The following BFSP2 variants were observed in gnomAD, a reference collection of about 807,000 sequenced individuals.
BFSP2 encodes the protein beaded filament structural protein 2.
Under a neutral mutation model 44.9 loss-of-function variants are expected in BFSP2, and 38 were observed. That is an observed-to-expected ratio of 0.85 (90% confidence interval 0.65 to 1.11). The LOEUF is 1.11. Among genes scored for constraint, BFSP2 ranks in the 50% least tolerant of loss-of-function variants. The pLI is 0.00. For synonymous variants in BFSP2, 197 were observed against 209.9 expected (o/e 0.94, Z 0.53); for missense variants, 525 against 533.0 (o/e 0.99, Z 0.15).
intron 1 of BFSP2, among the ~76,000 whole-genome samples, chr3:133,419,612 A>C (rs937530528): frequency 6.6e-5 from 10 of 152,180 alleles, no homozygotes; most frequent in Admixed American, 2.0e-4. Flanking sequence ...ATTTGGAAGA[A>C]ACTGTCAGAA....
At chr3:133,456,644 G>C (rs2074015597) in intron 4 of BFSP2, among the ~76,000 whole-genome samples, 1 of 152,146 alleles carries the variant, frequency 6.6e-6, no homozygotes, top group Non-Finnish European at 1.5e-5. Flanking sequence ...GAAACTACTT[G>C]GGAAGCTGAC....
chr3:133,405,157 C>G (rs1301054092), intron 1 of BFSP2, among the ~76,000 whole-genome samples: 2 of 152,162 alleles, frequency 1.3e-5, no homozygotes, highest in African/African-American at 4.8e-5. Flanking sequence ...ACAAAAGGAA[C>G]AGCTGAAGCC....
In BFSP2 at chr3:133,450,562, G is replaced by A. The variant is rs2073954256; in HGVS notation, c.891+98G>A. The A allele has an allele frequency of 2.3e-5, 33 of 1,416,298 alleles. No homozygotes were observed. In the South Asian group the frequency reaches 3.5e-4, roughly 15 times the overall value. The allele number at this position is 1,416,298 out of a possible 1,614,324, so 87.7% of individuals were successfully genotyped here. A position where few individuals can be genotyped will look rare whatever the true frequency, so the allele number is the denominator to read the frequency against. Reference sequence around the variant, plus strand: ...ATGTGCAGACGAAGAAATAACAACGGTTTAGTAACAAGTTCAACCTCATTA... The same window carrying A: ...ATGTGCAGACGAAGAAATAACAACGATTTAGTAACAAGTTCAACCTCATTA... On this transcript the variant is annotated intron_variant, in intron 4 of 6. Transcript: ENST00000302334.
Position 133,472,380 on chromosome 3 carries a change from G to A in BFSP2, c.1059G>A (p.Lys353=). ...RGLENTLHDA[K]HWHDMELQNL... The stretch of plus-strand genomic sequence containing the variant: ...TGGAGAACACCTTGCACGATGCCAA[G>A]CACTGGCATGACATGGAGCTCCAGA... The change falls in exon 6 of 7, where the codon AAG becomes AAA. Residue 353 remains lysine, a synonymous_variant. Coordinates refer to ENST00000302334, the MANE Select transcript of BFSP2 (RefSeq NM_003571.4). 6.2e-7 allele frequency: 1 copy of A among 1,613,844 alleles called. No homozygotes were observed. Among genetic ancestry groups the A allele is most frequent in the Non-Finnish European group, 8.5e-7 (1 of 1,180,006 alleles).
chr3:133,423,784 C>T (rs2107896284), intron 1 of BFSP2, among the ~76,000 whole-genome samples: 1 of 152,200 alleles, frequency 6.6e-6, no homozygotes, highest in South Asian at 2.1e-4. Context: ...AACTGTCTTA[C>T]ATACCTAGTC....
intron 1 of BFSP2, among the ~76,000 whole-genome samples, chr3:133,435,298 T>C (rs1029930924): frequency 6.6e-6 from 1 of 152,194 alleles, no homozygotes; most frequent in African/African-American, 2.4e-5. Flanking sequence ...TAAGCAGATG[T>C]TGTCATTTTT....
intron 1 of BFSP2, among the ~76,000 whole-genome samples, chr3:133,416,960 T>C (rs2073540196): frequency 9.5e-6 from 1 of 104,940 alleles, no homozygotes; most frequent in Admixed American, 1.1e-4. Context: ...CTCTCCCCTC[T>C]ACTCACCCTC....
At chr3:133,401,760 A>G (rs2073364293) in intron 1 of BFSP2, among the ~76,000 whole-genome samples, 1 of 152,170 alleles carries the variant, frequency 6.6e-6, no homozygotes. Context: ...CCTGGAGTCC[A>G]GTATGCAGCC....
At chr3:133,438,497 T>C (rs111467701) in intron 1 of BFSP2, among the ~76,000 whole-genome samples, 17,896 of 152,128 alleles carry the variant, frequency 0.12, 1,200 homozygotes, top group Middle Eastern at 0.23. Context: ...ATCACACCAC[T>C]GCACTCCAGC....
chr3:133,473,805 C>T (rs2074189457), intron 6 of BFSP2, among the ~76,000 whole-genome samples: 1 of 152,044 alleles, frequency 6.6e-6, no homozygotes, highest in Non-Finnish European at 1.5e-5. Flanking sequence ...GATCCCAAGG[C>T]AGAAGAATTT....
intron 4 of BFSP2, among the ~76,000 whole-genome samples, chr3:133,452,897 T>C (rs1375085624): frequency 6.6e-6 from 1 of 151,770 alleles, no homozygotes; most frequent in Non-Finnish European, 1.5e-5. Context: ...TCCTTCATAG[T>C]ATGAAAAAGA....
intron 1 of BFSP2, among the ~76,000 whole-genome samples, chr3:133,413,031 G>T (rs1169847275): frequency 6.6e-6 from 1 of 152,194 alleles, no homozygotes; most frequent in South Asian, 2.1e-4. Context: ...AAAGTGGAGG[G>T]CAGACCCTCT....
chr3:133,425,360 C>G (rs569923962), intron 1 of BFSP2, among the ~76,000 whole-genome samples: 81 of 152,220 alleles, frequency 5.3e-4, no homozygotes, highest in Non-Finnish European at 8.2e-4. Flanking sequence ...GGATGTCAAC[C>G]GTAGGTCAAA....
chr3:133,465,656 CA>C lies in BFSP2; in HGVS notation c.892-1171del, dbSNP rs779292596. Among the ~76,000 whole-genome samples the C allele has an allele frequency of 2.6e-5, 4 of 152,282 alleles. 1 individual carries two copies. In the South Asian group the frequency reaches 8.3e-4, roughly 32 times the overall value. ...CAGTTGTGACTAGACACATGGTTTTCACAAGGAAACAGGCACTATCAGATTG... is the reference window on the plus strand; with the variant it reads ...CAGTTGTGACTAGACACATGGTTTTCCAAGGAAACAGGCACTATCAGATTG... On this transcript the variant is annotated intron_variant, in intron 4 of 6. Coordinates refer to ENST00000302334, the MANE Select transcript of BFSP2 (RefSeq NM_003571.4).
intron 5 of BFSP2, among the ~76,000 whole-genome samples, chr3:133,470,017 AC>A (rs1223610924): frequency 7.6e-6 from 1 of 131,048 alleles, no homozygotes; most frequent in East Asian, 2.9e-4. Context: ...CAAGTTAAGT[AC>A]TTTCATGCAT....
chr3:133,472,305 C>A, intron 5 of BFSP2, 40 bp from the exon 6 acceptor site: 1 of 1,582,208 alleles, frequency 6.3e-7, no homozygotes, highest in East Asian at 2.3e-5. Context: ...AGGGCCCGGC[C>A]TGTTGTCCTC....
intron 1 of BFSP2, chr3:133,412,347 C>T (rs1209073567): frequency 2.0e-5 from 3 of 152,172 alleles, no homozygotes; most frequent in African/African-American, 4.8e-5. Flanking sequence ...GTGTGTAAAT[C>T]GCCTGGCACA....
chr3:133,462,492 G>A (rs149177638), intron 4 of BFSP2, among the ~76,000 whole-genome samples: 523 of 152,324 alleles, frequency 3.4e-3, no homozygotes, highest in African/African-American at 0.011. Flanking sequence ...CTTTACACTA[G>A]ACCTGCACAC....
chr3:133,436,862 T>G (rs556018156), intron 1 of BFSP2, among the ~76,000 whole-genome samples: 2 of 152,366 alleles, frequency 1.3e-5, no homozygotes, highest in South Asian at 4.1e-4. Context: ...GGTGTTTGGT[T>G]TTCTGTCCTT....
Sources: gnomAD v4.1 joint callset for allele counts (sites outside exome capture counted in the v4.1 genomes callset) on GRCh38, gnomAD v4.1.1 for gene constraint, MANE v1.5 for transcripts, NCBI Gene and HGNC (gene_info 2026-07-23, HGNC 2026-07-21) for gene names.